ZNF804B: variants seen among roughly 807,000 people sequenced by gnomAD.
ZNF804B encodes zinc finger 804B.
ZNF804B carries 80 observed loss-of-function variants against 101.4 expected under a neutral mutation model. The observed-to-expected ratio is 0.79, with a 90% CI of 0.66 to 0.95. The LOEUF is 0.95. ZNF804B is among the 40% of genes least tolerant of loss of function. The probability of loss-of-function intolerance (pLI) is 0.00; values close to 1 mark genes in which losing one functional copy is unlikely to be tolerated. For missense variants in ZNF804B, 1,673 were observed against 1,561.9 expected, an observed-to-expected ratio of 1.07 and a Z score of -1.20; for synonymous variants, 622 against 558.8, an observed-to-expected ratio of 1.11 and a Z score of -1.59.
intron 1 of ZNF804B, among the ~76,000 whole-genome samples, chr7:89,015,151 G>T (rs1788526677): frequency 6.6e-6 from 1 of 152,000 alleles, no homozygotes; most frequent in Non-Finnish European, 1.5e-5. Flanking sequence ...AAAGTTAGTT[G>T]GCTGCAGCTA....
At chr7:89,025,490 A>C (rs1788735284) in intron 1 of ZNF804B, among the ~76,000 whole-genome samples, 1 of 152,142 alleles carries the variant, frequency 6.6e-6, no homozygotes, top group Admixed American at 6.6e-5. Context: ...GCAATTATGC[A>C]CGTTTGCCCA....
intron 2 of ZNF804B, among the ~76,000 whole-genome samples, chr7:89,309,119 T>C (rs1298135613): frequency 6.6e-6 from 1 of 152,190 alleles, no homozygotes; most frequent in African/African-American, 2.4e-5. Context: ...GATAGGTAGT[T>C]ATTTAACCCT....
At chr7:89,220,305 T>A (rs1268367537) in intron 2 of ZNF804B, among the ~76,000 whole-genome samples, 1 of 151,470 alleles carries the variant, frequency 6.6e-6, no homozygotes, top group East Asian at 1.9e-4. Flanking sequence ...ATAAACTGTT[T>A]TAGGATTGTA....
intron 2 of ZNF804B, among the ~76,000 whole-genome samples, chr7:89,258,517 T>C (rs1789668074): frequency 1.3e-5 from 2 of 152,164 alleles, no homozygotes; most frequent in South Asian, 2.1e-4. Flanking sequence ...TAAGCTGCAA[T>C]GCTCTGTAAT....
At chr7:89,261,982 A>G (rs920255485) in intron 2 of ZNF804B, among the ~76,000 whole-genome samples, 7 of 152,098 alleles carry the variant, frequency 4.6e-5, no homozygotes, top group African/African-American at 1.7e-4. Context: ...ATTTGTTTTT[A>G]TGTTGATTAA....
At chr7:88,902,433 T>C (rs1260498943) in intron 1 of ZNF804B, among the ~76,000 whole-genome samples, 1 of 151,920 alleles carries the variant, frequency 6.6e-6, no homozygotes, top group Non-Finnish European at 1.5e-5. Flanking sequence ...AAAAGAAAAA[T>C]TGGTAATTTA....
At chr7:89,106,535 G>C (rs73705711) in intron 1 of ZNF804B, among the ~76,000 whole-genome samples, 3,659 of 152,134 alleles carry the variant, frequency 0.024, 146 homozygotes, top group African/African-American at 0.084. Context: ...GATCCATATT[G>C]ATCTATTACA....
intron 1 of ZNF804B, among the ~76,000 whole-genome samples, chr7:89,103,630 A>G (rs186996706): frequency 1.3e-5 from 2 of 151,840 alleles, no homozygotes; most frequent in East Asian, 1.9e-4. Flanking sequence ...TGAGTCTTCT[A>G]AAGAGGTCTT....
At chr7:88,811,678 T>C (rs1446203985) in intron 1 of ZNF804B, among the ~76,000 whole-genome samples, 2 of 152,152 alleles carry the variant, frequency 1.3e-5, no homozygotes, top group African/African-American at 4.8e-5. Context: ...TACAGGGGCA[T>C]AAATGGAATT....
chr7:89,308,568 C>T (rs1192787049), intron 2 of ZNF804B, among the ~76,000 whole-genome samples: 1 of 152,162 alleles, frequency 6.6e-6, no homozygotes, highest in Non-Finnish European at 1.5e-5. Flanking sequence ...ATAATTACCT[C>T]TTTCTTTTAC....
intron 1 of ZNF804B, among the ~76,000 whole-genome samples, chr7:88,901,145 G>A (rs1792383965): frequency 6.6e-6 from 1 of 151,698 alleles, no homozygotes; most frequent in Admixed American, 6.6e-5. Context: ...AGTGTTGTGA[G>A]CTATTTTCCG....
intron 1 of ZNF804B, among the ~76,000 whole-genome samples, chr7:88,888,776 TG>T (rs1562823521): frequency 6.6e-6 from 1 of 152,176 alleles, no homozygotes; most frequent in African/African-American, 2.4e-5. Flanking sequence ...TTTTTCGTTT[TG>T]TTTTGTTTTG....
chr7:88,801,511 G>A (rs1188480559), intron 1 of ZNF804B, among the ~76,000 whole-genome samples: 1 of 152,092 alleles, frequency 6.6e-6, no homozygotes, highest in Non-Finnish European at 1.5e-5. Flanking sequence ...GAACTCTGCA[G>A]TTGGCAAGTG....
At chr7:88,976,958 A>G (rs1793622381) in intron 1 of ZNF804B, among the ~76,000 whole-genome samples, 1 of 151,698 alleles carries the variant, frequency 6.6e-6, no homozygotes, top group Non-Finnish European at 1.5e-5. Context: ...GTTAAAGTTT[A>G]TCAAATGGTT....
intron 1 of ZNF804B, among the ~76,000 whole-genome samples, chr7:89,076,661 A>T (rs893501043): frequency 5.3e-5 from 8 of 152,212 alleles, no homozygotes; most frequent in Admixed American, 1.3e-4. Flanking sequence ...CATTTACAGA[A>T]ATTTTTATTC....
At chr7:88,977,410 C>T (rs546943300) in intron 1 of ZNF804B, among the ~76,000 whole-genome samples, 4 of 151,320 alleles carry the variant, frequency 2.6e-5, no homozygotes, top group African/African-American at 4.8e-5. Flanking sequence ...TTTAGTATAG[C>T]CTCTATTTTA....
chr7:88,787,609 G>T (rs1344103712), intron 1 of ZNF804B, among the ~76,000 whole-genome samples: 2 of 152,120 alleles, frequency 1.3e-5, no homozygotes, highest in African/African-American at 4.8e-5. Context: ...GTCACCATAT[G>T]ATGGGAACTT....
rs67535390 is a variant in ZNF804B, at chr7:89,212,252, TACAC to T, written c.109-5869_109-5866del. ...TTATAGTGTCACATGCATTCAGTGA[TACAC>T]ACACACACACACACACACACACACA... On this transcript the variant is annotated intron_variant, in intron 1 of 3. Transcript: ENST00000333190. 7.1e-3 allele frequency among the ~76,000 whole-genome samples: 620 copies of T among 87,132 alleles called. 4 individuals are homozygous for T. The highest frequency in any genetic ancestry group is 0.02 in the Middle Eastern group (4 of 202). 57.2% of individuals were successfully genotyped at this position (87,132 alleles called of 152,430 possible).
chr7:89,118,828 TC>T (rs1790355381), intron 1 of ZNF804B, among the ~76,000 whole-genome samples: 1 of 152,138 alleles, frequency 6.6e-6, no homozygotes, highest in African/African-American at 2.4e-5. Flanking sequence ...ACCAACATTC[TC>T]CATTCATTAC....
Sources: allele counts gnomAD v4.1 joint callset (sites outside exome capture counted in the v4.1 genomes callset), GRCh38; gene constraint gnomAD v4.1.1; transcripts MANE v1.5; gene names NCBI Gene and HGNC (gene_info 2026-07-23, HGNC 2026-07-21).